The following SPATS2L variants were observed in gnomAD, a reference collection of about 807,000 sequenced individuals.
SPATS2L encodes SPATS2-like protein.
SPATS2L carries 30 observed loss-of-function variants against 59.6 expected under a neutral mutation model. The ratio of observed to expected loss-of-function variants is 0.50; its 90% CI spans 0.38 to 0.68. SPATS2L has a LOEUF of 0.68. Ranked by LOEUF, SPATS2L falls within the 30% of genes least tolerant of loss-of-function variation. The pLI is 0.00. For missense variants in SPATS2L, 615 were observed against 700.0 expected (o/e 0.88, Z 1.37); for synonymous variants, 252 against 263.5 (o/e 0.96, Z 0.42).
chr2:200,332,888 A>G (rs2079997460), intron 2 of SPATS2L, among the ~76,000 whole-genome samples: 1 of 152,152 alleles, frequency 6.6e-6, no homozygotes. Context: ...AGATTAATAA[A>G]TTGTGGTGTA....
chr2:200,401,151 G>C (rs1425685348), intron 3 of SPATS2L, among the ~76,000 whole-genome samples: 1 of 152,152 alleles, frequency 6.6e-6, no homozygotes, highest in Non-Finnish European at 1.5e-5. Context: ...AGGAAGCCCA[G>C]ACTAGCCCAT....
At chr2:200,366,922 G>A (rs1291915997) in intron 2 of SPATS2L, among the ~76,000 whole-genome samples, 2 of 152,136 alleles carry the variant, frequency 1.3e-5, no homozygotes, top group Non-Finnish European at 2.9e-5. Context: ...ATAAACCAAA[G>A]TAGTAATTTA....
Position 200,469,340 on chromosome 2 carries a change from G to C in SPATS2L, c.958-574G>C, listed in dbSNP as rs888485336. Among the ~76,000 whole-genome samples the C allele has an allele frequency of 2.6e-5, 4 of 152,100 alleles. 1 individual carries two copies. Among genetic ancestry groups the C allele is most frequent in the Admixed American group, 2.6e-4 (4 of 15,276 alleles). On this transcript the variant is annotated intron_variant, in intron 10 of 12. Coordinates refer to ENST00000409140, the MANE Select transcript of SPATS2L (RefSeq NM_001100423.2). ...GGTAAACTCAAGAAGGGACTGAGTC[G>C]CAGTTATTTCTGTATTTCTCACCAT...
At chr2:200,452,122 G>A (rs1432829369) in intron 8 of SPATS2L, among the ~76,000 whole-genome samples, 2 of 152,064 alleles carry the variant, frequency 1.3e-5, no homozygotes, top group Non-Finnish European at 2.9e-5. Context: ...AGGGGAAGCG[G>A]GGGAGTCAGC....
chr2:200,397,527 T>C (rs1249287569), intron 3 of SPATS2L, among the ~76,000 whole-genome samples: 2 of 152,142 alleles, frequency 1.3e-5, no homozygotes, highest in Non-Finnish European at 2.9e-5. Flanking sequence ...AAAATTGTTA[T>C]TGTTTGTATT....
intron 3 of SPATS2L, among the ~76,000 whole-genome samples, chr2:200,398,122 C>T (rs1227238525): frequency 6.6e-6 from 1 of 152,098 alleles, no homozygotes; most frequent in African/African-American, 2.4e-5. Context: ...TTCACGAGTC[C>T]CCAGCCTCCT....
At chr2:200,316,989 C>T (rs1052231816) in intron 1 of SPATS2L, among the ~76,000 whole-genome samples, 1 of 152,126 alleles carries the variant, frequency 6.6e-6, no homozygotes, top group African/African-American at 2.4e-5. Flanking sequence ...AGATATAGGG[C>T]TGATTTTCTT....
chr2:200,452,752 T>C (rs138400844), intron 8 of SPATS2L, among the ~76,000 whole-genome samples: 1 of 152,308 alleles, frequency 6.6e-6, no homozygotes, highest in Non-Finnish European at 1.5e-5. Context: ...GCGTGATTAG[T>C]AGGCAGCCTT....
At chr2:200,434,692 C>A (rs1307435985) in intron 6 of SPATS2L, among the ~76,000 whole-genome samples, 1 of 151,974 alleles carries the variant, frequency 6.6e-6, no homozygotes, top group Non-Finnish European at 1.5e-5. Context: ...GATGCTAAAG[C>A]AAATTAGAAT....
intron 2 of SPATS2L, among the ~76,000 whole-genome samples, chr2:200,373,800 A>T (rs1305742336): frequency 6.6e-6 from 1 of 152,332 alleles, no homozygotes; most frequent in East Asian, 1.9e-4. Flanking sequence ...AAGTACTGAA[A>T]GTCAGCTTGC....
intron 6 of SPATS2L, among the ~76,000 whole-genome samples, chr2:200,427,631 T>C (rs2083654781): frequency 6.6e-6 from 1 of 151,868 alleles, no homozygotes; most frequent in South Asian, 2.1e-4. Context: ...ACCACCTTTA[T>C]GCCCTCTGAG....
In SPATS2L at chr2:200,329,463, A is replaced by G. The variant is rs534309787; in HGVS notation, c.-40A>G. ...CAGAAACCAGGCTGCTTTCAGGAAC[A>G]TTGCTGTGGATTCCCAGGTGAGTAG... On this transcript the variant is annotated 5_prime_UTR_variant, in exon 2 of 13. Coordinates refer to ENST00000409140, the MANE Select transcript of SPATS2L (RefSeq NM_001100423.2). The G allele has an allele frequency of 9.7e-5, 150 of 1,550,512 alleles. No individual in the cohort carries two copies. Among genetic ancestry groups the G allele is most frequent in the Middle Eastern group, 5.0e-4 (3 of 5,990 alleles).
At chr2:200,410,923 G>A (rs1413144643) in intron 3 of SPATS2L, among the ~76,000 whole-genome samples, 4 of 151,554 alleles carry the variant, frequency 2.6e-5, no homozygotes, top group Admixed American at 1.3e-4. Flanking sequence ...ATTTGAAGAC[G>A]TTAATTTGTT....
At chr2:200,360,363 T>A (rs1050696449) in intron 2 of SPATS2L, among the ~76,000 whole-genome samples, 1 of 152,228 alleles carries the variant, frequency 6.6e-6, no homozygotes, top group Non-Finnish European at 1.5e-5. Flanking sequence ...TGTCTTTAGA[T>A]CAGGGCCAGC....
intron 2 of SPATS2L, among the ~76,000 whole-genome samples, chr2:200,367,900 T>G (rs1262461091): frequency 6.6e-6 from 1 of 152,248 alleles, no homozygotes; most frequent in Admixed American, 6.5e-5. Context: ...ATAAACAATG[T>G]AGTATTTTGT....
intron 3 of SPATS2L, among the ~76,000 whole-genome samples, chr2:200,391,254 GT>G (rs1435093590): frequency 6.6e-6 from 1 of 152,170 alleles, no homozygotes; most frequent in Admixed American, 6.5e-5. Context: ...AATTACATTT[GT>G]TGCAGATATC....
rs145584783 is a variant in SPATS2L, at chr2:200,337,079, C to T, written c.-23+7599C>T. ...ATCTATAGTTCATCTTTTTAACTAA[C>T]TCTCAATACATTATCAACCCAGTGC... On this transcript the variant is annotated intron_variant, in intron 2 of 12. Coordinates refer to ENST00000409140, the MANE Select transcript of SPATS2L (RefSeq NM_001100423.2). Among the ~76,000 whole-genome samples, 5 of 152,262 alleles carry T rather than the reference C, an allele frequency of 3.3e-5. No homozygotes were observed. In the East Asian group the frequency reaches 7.7e-4, roughly 23 times the overall value.
intron 3 of SPATS2L, among the ~76,000 whole-genome samples, chr2:200,394,583 A>G (rs1398185742): frequency 6.6e-6 from 1 of 152,216 alleles, no homozygotes; most frequent in Non-Finnish European, 1.5e-5. Context: ...TAGATAAATG[A>G]ATGAATAATG....
chr2:200,372,265 C>G, intron 2 of SPATS2L: 1 of 898,466 alleles, frequency 1.1e-6, no homozygotes, highest in Middle Eastern at 5.6e-4. Flanking sequence ...AGTGAATTCC[C>G]TCTCCATTAT....
Sources: gnomAD v4.1 joint callset for allele counts (sites outside exome capture counted in the v4.1 genomes callset) on GRCh38, gnomAD v4.1.1 for gene constraint, MANE v1.5 for transcripts, NCBI Gene and HGNC (gene_info 2026-07-23, HGNC 2026-07-21) for gene names.